PPP1R9B: variants seen among roughly 807,000 people sequenced by gnomAD.
PPP1R9B encodes protein phosphatase 1 regulatory subunit 9B, also known as neurabin-2.
PPP1R9B carries 17 observed loss-of-function variants against 75.8 expected under a neutral mutation model. The observed-to-expected ratio is 0.22, with a 90% CI of 0.15 to 0.34. PPP1R9B has a LOEUF of 0.34. PPP1R9B is among the 10% of genes least tolerant of loss of function. The pLI is 1.00. For synonymous variants in PPP1R9B, 509 were observed against 535.4 expected (o/e 0.95, Z 0.68); for missense variants, 875 against 1,196.0 (o/e 0.73, Z 3.96).
Position 50,139,942 on chromosome 17 carries a change from G to A in PPP1R9B, c.1866+151C>T, listed in dbSNP as rs1912324877. 1.1e-6 allele frequency: 1 copy of A among 879,638 alleles called. No individual in the cohort carries two copies. The highest frequency in any genetic ancestry group is 1.7e-6 in the Non-Finnish European group (1 of 587,800). The allele number at this position is 879,638 out of a possible 1,614,324, so 54.5% of individuals were successfully genotyped here. On this transcript the variant is annotated intron_variant, in intron 5 of 9. Transcript: ENST00000612501. This position sits in a 1 kb window ranked among gnomAD's most constrained non-coding sequence, Gnocchi z 5.0. Reference sequence around the variant, plus strand: ...GAGAGGACTGTGTATTCCTTGTCCGGCCTCTGAAGACAAAGAGTGTGACTG... The same window carrying A: ...GAGAGGACTGTGTATTCCTTGTCCGACCTCTGAAGACAAAGAGTGTGACTG...
In PPP1R9B at chr17:50,149,985, C is replaced by G. The variant is rs1912645003; in HGVS notation, c.529G>C (p.Gly177Arg). The G allele has an allele frequency of 6.6e-7, 1 of 1,505,902 alleles. No homozygotes were observed. Among genetic ancestry groups the G allele is most frequent in the Non-Finnish European group, 8.8e-7 (1 of 1,136,342 alleles). The allele number at this position is 1,505,902 out of a possible 1,614,324, so 93.3% of individuals were successfully genotyped here. A position where few individuals can be genotyped will look rare whatever the true frequency, so the allele number is the denominator to read the frequency against. ...ACGTCCAGCTTCCGGTCCTGCAGGC[C>G]GGCGCGCTCCTGCCTCAGCAGCCGC... is the stretch of plus-strand genomic sequence containing the variant. ...ARRLLRQERAGLQDRKLDVVV... is the reference protein window; with the variant it reads ...ARRLLRQERARLQDRKLDVVV... The change falls in exon 1 of 10, where the codon GGC becomes CGC. Residue 177 changes from glycine (G) to arginine (R), a missense_variant. This residue lies in a region of PPP1R9B where 449 missense variants were observed against 475.0 expected (regional missense o/e 0.95). Coordinates refer to ENST00000612501, the MANE Select transcript of PPP1R9B (RefSeq NM_032595.5). The surrounding 1 kb of genome is among the most constrained non-coding windows in gnomAD (Gnocchi z 7.2).
chr17:50,143,161 A>G (rs1184181397), intron 3 of PPP1R9B, among the ~76,000 whole-genome samples: 1 of 152,098 alleles, frequency 6.6e-6, no homozygotes, highest in African/African-American at 2.4e-5. Context: ...CTCACACCAC[A>G]CTGCACACTT....
At chr17:50,135,737 C>T (rs1598243838) in intron 8 of PPP1R9B, 88 bp from the exon 9 acceptor site, 1 of 1,172,558 alleles carries the variant, frequency 8.5e-7, no homozygotes, top group Admixed American at 2.1e-5. Context: ...TTTACCTGGG[C>T]AACTCTGTCC....
intron 9 of PPP1R9B, 42 bp downstream of exon 9, chr17:50,135,511 C>T (rs3744536): frequency 0.039 from 61,271 of 1,590,002 alleles, 1,733 homozygotes; most frequent in Admixed American, 0.14. Context: ...TTCAATGCTG[C>T]TCCCTCCACT....
In PPP1R9B at chr17:50,142,210, A is replaced by G. The variant is rs1035712645; in HGVS notation, c.1626-837T>C. Among the ~76,000 whole-genome samples, 1 of 152,072 alleles carries G rather than the reference A, an allele frequency of 6.6e-6. No homozygotes were observed. The highest frequency in any genetic ancestry group is 1.9e-4 in the East Asian group (1 of 5,188). The stretch of plus-strand genomic sequence containing the variant: ...CAGTCTGGCCTGCTGAGGGAGATGG[A>G]GGGTGGGGGGCCTCTCAGACACCTC... On this transcript the variant is annotated intron_variant, in intron 3 of 9. Coordinates refer to ENST00000612501, the MANE Select transcript of PPP1R9B (RefSeq NM_032595.5). This position sits in a 1 kb window ranked among gnomAD's most constrained non-coding sequence, Gnocchi z 4.1.
At chr17:50,138,665 C>T (rs762425447) in intron 7 of PPP1R9B, among the ~76,000 whole-genome samples, 3 of 152,148 alleles carry the variant, frequency 2.0e-5, no homozygotes, top group Non-Finnish European at 4.4e-5. Context: ...GTTACTCAGG[C>T]TGGAGTGGAG....
rs763422556 is a variant in PPP1R9B at position 50,145,102 on chromosome 17, T to C, written c.1504+11A>G. 6.2e-7 allele frequency: 1 copy of C among 1,613,520 alleles called. No individual in the cohort carries two copies. Among genetic ancestry groups the C allele is most frequent in the South Asian group, 1.1e-5 (1 of 91,078 alleles). On this transcript the variant is annotated intron_variant, in intron 2 of 9. Coordinates refer to ENST00000612501, the MANE Select transcript of PPP1R9B (RefSeq NM_032595.5). ...GCTGTGCGCAAGTGACGTGGCCTCC[T>C]GGCCTCTCACCCTTCTCCAGCTCCA...
Position 50,149,689 on chromosome 17 carries a change from C to A in PPP1R9B, c.825G>T (p.Gly275=). 1 of 1,437,602 alleles carries A rather than the reference C, an allele frequency of 7.0e-7. No homozygotes were observed. The highest frequency in any genetic ancestry group is 1.5e-5 in the African/African-American group (1 of 67,004). 89.1% of individuals were successfully genotyped at this position (1,437,602 alleles called of 1,614,324 possible). The change falls in exon 1 of 10, where the codon GGG becomes GGT. Residue 275 remains glycine (G), a synonymous_variant. Coordinates refer to ENST00000612501, the MANE Select transcript of PPP1R9B (RefSeq NM_032595.5). The surrounding 1 kb of genome is among the most constrained non-coding windows in gnomAD (Gnocchi z 7.2). Reference sequence around the variant, plus strand: ...CCACTCGGTGCTGCGGGGGCTGCTGCCCTGCGGGGCATCGCTCTTTCTCGG... The same window carrying A: ...CCACTCGGTGCTGCGGGGGCTGCTGACCTGCGGGGCATCGCTCTTTCTCGG... ...APAEKERCPA[G]QQPPQHRVAP...
intron 2 of PPP1R9B, 133 bp downstream of exon 2, chr17:50,144,980 G>T: frequency 8.6e-7 from 1 of 1,156,460 alleles, no homozygotes; most frequent in Non-Finnish European, 1.2e-6. Flanking sequence ...AGGTCACCAA[G>T]GGCCTGAGTC....
At chr17:50,137,722 C>T (rs905140660) in intron 7 of PPP1R9B, among the ~76,000 whole-genome samples, 2 of 152,196 alleles carry the variant, frequency 1.3e-5, no homozygotes, top group Non-Finnish European at 2.9e-5. Context: ...TCTGTAGGAC[C>T]AAGGCCAGAG....
chr17:50,150,303 A>T lies in PPP1R9B; in HGVS notation c.211T>A (p.Ser71Thr). The change falls in exon 1 of 10, where the codon TCG becomes ACG. Residue 71 changes from serine (S) to threonine (T), a missense_variant. By Grantham distance (58) the Ser-to-Thr change is moderately conservative (BLOSUM62 1). Transcript: ENST00000612501. The surrounding 1 kb of genome is among the most constrained non-coding windows in gnomAD (Gnocchi z 8.7). ...FLQMGTTAGP[S>T]GEAGGGAGLA... ...CCCGCGCCGCCGCCCGCCTCGCCCG[A>T]GGGCCCCGCCGTCGTGCCCATCTGC... is the stretch of plus-strand genomic sequence containing the variant. 8.0e-6 allele frequency: 11 copies of T among 1,376,548 alleles called. No individual in the cohort carries two copies. The highest frequency in any genetic ancestry group is 1.0e-5 in the Non-Finnish European group (11 of 1,055,686). The allele number at this position is 1,376,548 out of a possible 1,614,324, so 85.3% of individuals were successfully genotyped here.
intron 1 of PPP1R9B, 46 bp from the exon 2 acceptor site, chr17:50,145,291 T>A (rs753333318): frequency 1.2e-5 from 19 of 1,608,514 alleles, no homozygotes; most frequent in Non-Finnish European, 1.5e-5. Context: ...GGAGGACAAG[T>A]GCAGAACTGG....
Position 50,134,213 on chromosome 17 carries a change from G to A in PPP1R9B, c.*1118C>T, listed in dbSNP as rs1223092720. On this transcript the variant is annotated 3_prime_UTR_variant, in exon 10 of 10. Transcript: ENST00000612501. ...CCAAGCCCCAATTTGGGGTTAAAGTGGGGAAACAGAGTCGATTTCACTTAG... is the reference window on the plus strand; with the variant it reads ...CCAAGCCCCAATTTGGGGTTAAAGTAGGGAAACAGAGTCGATTTCACTTAG... 6.6e-6 allele frequency: 1 copy of A among 152,664 alleles called. No individual in the cohort carries two copies. The highest frequency in any genetic ancestry group is 2.4e-5 in the African/African-American group (1 of 41,446). The allele number at this position is 152,664 out of a possible 1,614,324, so 9.5% of individuals were successfully genotyped here. A position where few individuals can be genotyped will look rare whatever the true frequency, so the allele number is the denominator to read the frequency against.
chr17:50,148,245 G>C (rs1912569460), intron 1 of PPP1R9B, among the ~76,000 whole-genome samples: 1 of 152,370 alleles, frequency 6.6e-6, no homozygotes, highest in South Asian at 2.1e-4. Context: ...CCGTGGGGAT[G>C]AGACCCCCAA....
At chr17:50,144,225 C>T (rs1912458326) in intron 2 of PPP1R9B, among the ~76,000 whole-genome samples, 1 of 152,154 alleles carries the variant, frequency 6.6e-6, no homozygotes, top group South Asian at 2.1e-4. Context: ...CCCACAAACA[C>T]TCCCTCATGG....
chr17:50,145,084 G>A lies in PPP1R9B; in HGVS notation c.1504+29C>T, dbSNP rs372833242. Reference sequence around the variant, plus strand: ...AGACCCGGGTCAACCCCAGCTGTGCGCAAGTGACGTGGCCTCCTGGCCTCT... The same window carrying A: ...AGACCCGGGTCAACCCCAGCTGTGCACAAGTGACGTGGCCTCCTGGCCTCT... On this transcript the variant is annotated intron_variant, in intron 2 of 9. Coordinates refer to ENST00000612501, the MANE Select transcript of PPP1R9B (RefSeq NM_032595.5). 113 of 1,611,502 alleles carry A rather than the reference G, an allele frequency of 7.0e-5. 1 individual carries two copies. The highest frequency in any genetic ancestry group is 5.6e-4 in the South Asian group (51 of 90,964).
Position 50,150,657 on chromosome 17 carries a change from CA to C in PPP1R9B, c.-145del. Reference sequence around the variant, plus strand: ...TAGGGTCCCCCCAAAACCAAGCTGCCAAAAACAGTTAATCCCGCTTTAAAAA... The same window carrying C: ...TAGGGTCCCCCCAAAACCAAGCTGCCAAAACAGTTAATCCCGCTTTAAAAA... On this transcript the variant is annotated 5_prime_UTR_variant, in exon 1 of 10. Transcript: ENST00000612501. The surrounding 1 kb of genome is among the most constrained non-coding windows in gnomAD (Gnocchi z 8.7). The C allele has an allele frequency of 2.9e-6, 2 of 694,240 alleles. No individual in the cohort carries two copies. The highest frequency in any genetic ancestry group is 4.0e-6 in the Non-Finnish European group (2 of 502,312). The allele number at this position is 694,240 out of a possible 1,614,324, so 43.0% of individuals were successfully genotyped here.
In PPP1R9B at chr17:50,139,460, T is replaced by A; in HGVS notation, c.1988A>T (p.Glu663Val). The change falls in exon 6 of 10, where the codon GAG becomes GTG. Residue 663 changes from glutamate (E) to valine (V), a missense_variant. Coordinates refer to ENST00000612501, the MANE Select transcript of PPP1R9B (RefSeq NM_032595.5). This position sits in a 1 kb window ranked among gnomAD's most constrained non-coding sequence, Gnocchi z 5.0. ...GAACTTGTGCACCAGCTTCTCGGGC[T>A]CCATGTCCACAGGGGACAGTGCATC... ...NEDALSPVDM[E>V]PEKLVHKFKE... 1.9e-6 allele frequency: 3 copies of A among 1,604,500 alleles called. No individual in the cohort carries two copies. Among genetic ancestry groups the A allele is most frequent in the Non-Finnish European group, 2.6e-6 (3 of 1,173,274 alleles).
At position 50,136,057 on chromosome 17, in the gene PPP1R9B, G is replaced by A. The variant is rs752770580; in HGVS notation, c.2214C>T (p.Asp738=). 1.6e-5 allele frequency: 26 copies of A among 1,612,382 alleles called. No individual in the cohort carries two copies. Among genetic ancestry groups the A allele is most frequent in the African/African-American group, 4.0e-5 (3 of 74,880 alleles). Residue 738 remains aspartate, a synonymous_variant, in exon 8 of 10, where the codon GAC becomes GAT. Coordinates refer to ENST00000612501, the MANE Select transcript of PPP1R9B (RefSeq NM_032595.5). The part of the protein sequence containing the change: ...GEAQSLCQAV[D]EHLRETQAQY... ...GCGCCTGAGTCTCCCGCAGGTGCTC[G>A]TCCACAGCCTGGCACAGGCTCTGGG...
Sources: allele counts gnomAD v4.1 joint callset (sites outside exome capture counted in the v4.1 genomes callset), GRCh38; gene constraint gnomAD v4.1.1; regional missense constraint gnomAD v4.1.1; non-coding constraint Gnocchi (gnomAD v3.1); transcripts MANE v1.5; gene names NCBI Gene and HGNC (gene_info 2026-07-23, HGNC 2026-07-21).